Variants in TMEM132D observed in about 807,000 individuals in gnomAD.
TMEM132D encodes the protein transmembrane protein 132D.
TMEM132D carries 21 observed loss-of-function variants against 62.3 expected under a neutral mutation model. That is an observed-to-expected ratio of 0.34 (90% CI 0.24 to 0.49). The LOEUF (loss-of-function observed/expected upper bound fraction) is 0.49. Among genes scored for constraint, TMEM132D ranks in the 20% least tolerant of loss-of-function variants. TMEM132D has a pLI of 0.99. For synonymous variants in TMEM132D, 621 were observed against 575.6 expected (o/e 1.08, Z -1.13); for missense variants, 1,346 against 1,402.8 (o/e 0.96, Z 0.65).
chr12:129,844,161 T>C (rs1873285860), intron 1 of TMEM132D, among the ~76,000 whole-genome samples: 1 of 152,174 alleles, frequency 6.6e-6, no homozygotes, highest in Admixed American at 6.5e-5. Context: ...TTCCATTGGG[T>C]CAATGCTAGC....
chr12:129,784,532 G>T (rs549298828), intron 1 of TMEM132D, among the ~76,000 whole-genome samples: 1 of 152,292 alleles, frequency 6.6e-6, no homozygotes, highest in Non-Finnish European at 1.5e-5. Flanking sequence ...TAGGGCTAAG[G>T]TAAGCCCATT....
At chr12:129,854,663 T>A (rs560618999) in intron 1 of TMEM132D, 1 of 152,366 alleles carries the variant, frequency 6.6e-6, no homozygotes, top group East Asian at 1.9e-4. Context: ...GTGTGCCAGC[T>A]GCGGGCCAGG....
chr12:129,791,443 G>A (rs1424183273), intron 1 of TMEM132D, among the ~76,000 whole-genome samples: 1 of 152,078 alleles, frequency 6.6e-6, no homozygotes, highest in Non-Finnish European at 1.5e-5. Context: ...ATAAATATTG[G>A]TTTTAGAGCA....
chr12:129,275,305 T>G (rs7307511), intron 4 of TMEM132D, among the ~76,000 whole-genome samples: 52,512 of 151,708 alleles, frequency 0.35, 9,127 homozygotes, highest in South Asian at 0.36. Context: ...TAAAATAAAA[T>G]AATAATAAAA....
At chr12:129,356,856 C>CCGTGTCTCAA (rs1315979777) in intron 3 of TMEM132D, among the ~76,000 whole-genome samples, 4 of 132,962 alleles carry the variant, frequency 3.0e-5, no homozygotes, top group East Asian at 2.3e-4. Flanking sequence ...AAGAGTGAGA[C>CCGTGTCTCAA]AAAGAAAGGA....
intron 4 of TMEM132D, among the ~76,000 whole-genome samples, chr12:129,312,810 C>G (rs1161193438): frequency 6.6e-6 from 1 of 152,116 alleles, no homozygotes; most frequent in Non-Finnish European, 1.5e-5. Context: ...CATTCTAGTT[C>G]AAGCAAACAG....
chr12:129,114,497 T>TA (rs573630618), intron 5 of TMEM132D, among the ~76,000 whole-genome samples: 17 of 151,914 alleles, frequency 1.1e-4, no homozygotes, highest in Admixed American at 2.0e-4. Flanking sequence ...TTTATTACTG[T>TA]AAAAAAACTT....
At chr12:129,438,608 T>A (rs1374096464) in intron 3 of TMEM132D, among the ~76,000 whole-genome samples, 1 of 152,100 alleles carries the variant, frequency 6.6e-6, no homozygotes, top group Non-Finnish European at 1.5e-5. Flanking sequence ...CTTCTTTTCC[T>A]GGGGTGGGTG....
At chr12:129,170,552 A>AT (rs1877690981) in intron 5 of TMEM132D, among the ~76,000 whole-genome samples, 2 of 152,224 alleles carry the variant, frequency 1.3e-5, no homozygotes, top group African/African-American at 4.8e-5. Flanking sequence ...AGGGCCAGGC[A>AT]TGATGGCTCA....
chr12:129,611,806 G>T (rs1878781442), intron 2 of TMEM132D, among the ~76,000 whole-genome samples: 2 of 152,164 alleles, frequency 1.3e-5, no homozygotes, highest in Admixed American at 6.5e-5. Context: ...GGGAAAGTCT[G>T]GAGATGTAGG....
At chr12:129,095,868 A>AT (rs370201621) in intron 5 of TMEM132D, among the ~76,000 whole-genome samples, 28 of 152,004 alleles carry the variant, frequency 1.8e-4, no homozygotes, top group Non-Finnish European at 2.6e-4. Context: ...GCTCCTTGGT[A>AT]TTTTTTTTGA....
chr12:129,343,175 A>C (rs1220572654), intron 3 of TMEM132D, among the ~76,000 whole-genome samples: 38 of 152,202 alleles, frequency 2.5e-4, no homozygotes, highest in Admixed American at 2.4e-3. Flanking sequence ...TGGAACCAAC[A>C]GAAATGTCCA....
intron 2 of TMEM132D, among the ~76,000 whole-genome samples, chr12:129,583,211 G>C (rs984683403): frequency 6.6e-6 from 1 of 152,318 alleles, no homozygotes; most frequent in East Asian, 1.9e-4. Flanking sequence ...TTGGCACGTG[G>C]TAAGCCTCAA....
chr12:129,382,848 G>T (rs1486253464), intron 3 of TMEM132D, among the ~76,000 whole-genome samples: 2 of 152,124 alleles, frequency 1.3e-5, no homozygotes, highest in Non-Finnish European at 2.9e-5. Context: ...TTTTACGGCT[G>T]GTGGTGCTGT....
chr12:129,355,280 T>C (rs940188336), intron 3 of TMEM132D, among the ~76,000 whole-genome samples: 3 of 152,040 alleles, frequency 2.0e-5, no homozygotes, highest in Non-Finnish European at 2.9e-5. Context: ...ATCTTAAACC[T>C]ACCTGTATGC....
At chr12:129,711,013 ACTCTCTAGG>A (rs1881629048) in intron 1 of TMEM132D, among the ~76,000 whole-genome samples, 3 of 151,142 alleles carry the variant, frequency 2.0e-5, no homozygotes, top group Admixed American at 6.6e-5. Context: ...AACCATATCC[ACTCTCTAGG>A]CTTCGATTTG....
intron 4 of TMEM132D, among the ~76,000 whole-genome samples, chr12:129,311,939 AGTAAG>A (rs1881986732): frequency 6.6e-6 from 1 of 152,062 alleles, no homozygotes; most frequent in African/African-American, 2.4e-5. Flanking sequence ...CTTGGGCCTC[AGTAAG>A]CACTTTGAAT....
At chr12:129,783,322 C>CT (rs1158883983) in intron 1 of TMEM132D, among the ~76,000 whole-genome samples, 1 of 152,152 alleles carries the variant, frequency 6.6e-6, no homozygotes, top group Admixed American at 6.5e-5. Context: ...GGGTTGGAAA[C>CT]ACACTAGAAA....
At chr12:129,528,454 C>A (rs993550156) in intron 3 of TMEM132D, among the ~76,000 whole-genome samples, 52 of 135,624 alleles carry the variant, frequency 3.8e-4, no homozygotes, top group Admixed American at 5.2e-4. Flanking sequence ...AAAAAAAAAT[C>A]AAACAGTTCA....
Sources: allele counts gnomAD v4.1 joint callset (sites outside exome capture counted in the v4.1 genomes callset), GRCh38; gene constraint gnomAD v4.1.1; transcripts MANE v1.5; gene names NCBI Gene and HGNC (gene_info 2026-07-23, HGNC 2026-07-21).